Variants in AGBL3 observed in about 807,000 individuals in gnomAD.
AGBL3 encodes cytosolic carboxypeptidase 3.
A neutral mutation model predicts 94.5 loss-of-function variants in AGBL3; 68 were observed. That is an observed-to-expected ratio of 0.72 (90% CI 0.59 to 0.88). AGBL3 has a LOEUF of 0.88. Ranked by LOEUF, AGBL3 falls within the 40% of genes least tolerant of loss-of-function variation. The pLI, the probability that AGBL3 is intolerant of heterozygous loss-of-function variation, is 0.00. For synonymous variants in AGBL3, 354 were observed against 370.7 expected (o/e 0.95, Z 0.52); for missense variants, 934 against 1,103.8 (o/e 0.85, Z 2.18).
intron 12 of AGBL3, among the ~76,000 whole-genome samples, chr7:135,068,278 C>T (rs548877636): frequency 9.3e-4 from 142 of 152,072 alleles, no homozygotes; most frequent in Non-Finnish European, 1.4e-3. Context: ...CTGAAAGTGA[C>T]GGGGAGAATG....
At chr7:135,056,439 TTTTAAA>T (rs1305274125) in intron 11 of AGBL3, among the ~76,000 whole-genome samples, 1 of 152,072 alleles carries the variant, frequency 6.6e-6, no homozygotes, top group Non-Finnish European at 1.5e-5. Flanking sequence ...ATAAGTTGTA[TTTTAAA>T]TTTAATTTAG....
intron 8 of AGBL3, among the ~76,000 whole-genome samples, chr7:135,037,872 G>T (rs993704101): frequency 1.1e-4 from 17 of 151,842 alleles, no homozygotes; most frequent in African/African-American, 1.7e-4. Flanking sequence ...AATTTTAGGG[G>T]TTTTTTTATT....
At chr7:135,121,949 G>A (rs1045886628) in intron 16 of AGBL3, among the ~76,000 whole-genome samples, 1 of 152,212 alleles carries the variant, frequency 6.6e-6, no homozygotes, top group African/African-American at 2.4e-5. Flanking sequence ...AGGGCCTAGC[G>A]TCCCAACCCC....
Position 135,042,845 on chromosome 7 carries a change from G to C in AGBL3, c.1501-1180G>C, listed in dbSNP as rs144892219. Among the ~76,000 whole-genome samples, 446 of 152,242 alleles carry C rather than the reference G, an allele frequency of 2.9e-3. 2 individuals carry two copies. The highest frequency in any genetic ancestry group is 0.01 in the African/African-American group (425 of 41,550). On this transcript the variant is annotated intron_variant, in intron 8 of 16. Transcript: ENST00000436302. ...AAGATAGCTTTGAGCCCAGGAGTTT[G>C]AGACTGCAGTGAGCTATGATCGCAC...
At chr7:135,120,183 AC>A (rs1826941084) in intron 16 of AGBL3, among the ~76,000 whole-genome samples, 1 of 152,230 alleles carries the variant, frequency 6.6e-6, no homozygotes, top group South Asian at 2.1e-4. Context: ...AAGAAAGAAT[AC>A]GGTAAGCAAA....
At position 135,015,858 on chromosome 7, in the gene AGBL3, C is replaced by CAAAAAA. The variant is rs780785475; in HGVS notation, c.311-1191_311-1186dup. Among the ~76,000 whole-genome samples the CAAAAAA allele has an allele frequency of 1.9e-4, 15 of 77,126 alleles. No homozygotes were observed. The East Asian group carries it at 3.4e-3, about 18-fold the overall frequency. 50.6% of individuals were successfully genotyped at this position (77,126 alleles called of 152,430 possible). On this transcript the variant is annotated intron_variant, in intron 4 of 16. Coordinates refer to ENST00000436302, the MANE Select transcript of AGBL3 (RefSeq NM_178563.4). ...TGAAACCCCGTCTCTACTAAAAATA[C>CAAAAAA]AAAAAAAAGAAAAAAAAAAAAAATT...
At position 134,993,533 on chromosome 7, in the gene AGBL3, G is replaced by A; in HGVS notation, c.165G>A (p.Gln55=). The change falls in exon 4 of 17, where the codon CAG becomes CAA. Residue 55 remains glutamine (Q), a synonymous_variant. Transcript: ENST00000436302. ...FGDPFFPRTT[Q]ILLEYQLGRW... ...ATCCCTTCTTCCCCCGGACTACACA[G>A]ATACTATTAGAATATCAGCTAGGGA... is the stretch of plus-strand genomic sequence containing the variant. 1 of 1,551,590 alleles carries A rather than the reference G, an allele frequency of 6.4e-7. No homozygotes were observed. The highest frequency in any genetic ancestry group is 8.7e-7 in the Non-Finnish European group (1 of 1,146,922).
chr7:135,064,709 G>A (rs541216578), intron 12 of AGBL3, among the ~76,000 whole-genome samples: 7 of 152,302 alleles, frequency 4.6e-5, no homozygotes, highest in African/African-American at 1.4e-4. Flanking sequence ...GGAGATTAGA[G>A]TTTCCATTCC....
intron 4 of AGBL3, among the ~76,000 whole-genome samples, chr7:134,996,008 G>A (rs4602805): frequency 0.96 from 145,505 of 152,264 alleles, 69,833 homozygotes; most frequent in East Asian, 1. Flanking sequence ...ACAGTCTTAC[G>A]TATTGCTCTA....
chr7:135,067,521 G>A (rs904156130), intron 12 of AGBL3, among the ~76,000 whole-genome samples: 7 of 152,262 alleles, frequency 4.6e-5, no homozygotes, highest in East Asian at 3.9e-4. Context: ...CACACGGCCC[G>A]GTACTCCTCT....
At chr7:135,037,670 A>G in intron 8 of AGBL3, 90 bp downstream of exon 8, 9 of 1,131,674 alleles carry the variant, frequency 8.0e-6, no homozygotes, top group Non-Finnish European at 1.1e-5. Flanking sequence ...TACTATTCCA[A>G]ACTGCTTTTT....
rs1441343785 is a variant in AGBL3, at chr7:135,037,431, C to T, written c.1351C>T (p.Arg451Ter). The T allele has an allele frequency of 6.5e-6, 10 of 1,538,684 alleles. No individual in the cohort carries two copies. Among genetic ancestry groups the T allele is most frequent in the South Asian group, 3.7e-5 (3 of 81,266 alleles). Residue 451 changes from arginine to a stop codon, truncating the protein, a stop_gained, in exon 8 of 17, where the codon CGA becomes TGA. Coordinates refer to ENST00000436302, the MANE Select transcript of AGBL3 (RefSeq NM_178563.4). LOFTEE classifies it high-confidence loss of function. Reference sequence around the variant, plus strand: ...TCTTCCTGGCAGACTGATGGAGAAACGAGAGGTTATTTTATACTGTGATCT... The same window carrying T: ...TCTTCCTGGCAGACTGATGGAGAAATGAGAGGTTATTTTATACTGTGATCT... ...RNMVHRLMEK[R>*]EVILYCDLHG...
At chr7:135,045,336 G>A in intron 9 of AGBL3, 138 bp from the exon 10 acceptor site, 1 of 672,764 alleles carries the variant, frequency 1.5e-6, no homozygotes, top group Non-Finnish European at 2.5e-6. Flanking sequence ...GATGTTAAAT[G>A]ACCTGTCCTG....
At chr7:135,049,789 A>C (rs1454637711) in intron 11 of AGBL3, among the ~76,000 whole-genome samples, 1 of 151,008 alleles carries the variant, frequency 6.6e-6, no homozygotes, top group Non-Finnish European at 1.5e-5. Flanking sequence ...ATTTTATTTG[A>C]GTCTTCTCCA....
chr7:135,037,170 TC>T, intron 7 of AGBL3, among the ~76,000 whole-genome samples: 1 of 152,338 alleles, frequency 6.6e-6, no homozygotes. Context: ...GCCACCTGCC[TC>T]AGTCTCCCAA....
chr7:135,031,420 G>A (rs943746322), intron 5 of AGBL3, among the ~76,000 whole-genome samples: 6 of 151,792 alleles, frequency 4.0e-5, no homozygotes, highest in South Asian at 2.1e-4. Context: ...CCACTACACC[G>A]GCTAATTTTT....
chr7:135,056,025 A>C (rs921531577), intron 11 of AGBL3, among the ~76,000 whole-genome samples: 1 of 152,218 alleles, frequency 6.6e-6, no homozygotes, highest in African/African-American at 2.4e-5. Flanking sequence ...GGTCTGTTTC[A>C]TCTAAGCTAT....
At chr7:135,115,951 A>G in intron 16 of AGBL3, 1 of 171,586 alleles carries the variant, frequency 5.8e-6, no homozygotes, top group Non-Finnish European at 1.2e-5. Flanking sequence ...AGAATTAAAA[A>G]TAATTAACCT....
intron 4 of AGBL3, among the ~76,000 whole-genome samples, chr7:135,016,526 A>G (rs1395176981): frequency 6.6e-6 from 1 of 152,178 alleles, no homozygotes; most frequent in Non-Finnish European, 1.5e-5. Flanking sequence ...ACCTGAGAAT[A>G]GTGCAGATGA....
Sources: allele counts gnomAD v4.1 joint callset (sites outside exome capture counted in the v4.1 genomes callset), GRCh38; gene constraint gnomAD v4.1.1; transcripts MANE v1.5; gene names NCBI Gene and HGNC (gene_info 2026-07-23, HGNC 2026-07-21).